NUS1: variants seen among roughly 807,000 people sequenced by gnomAD.
NUS1 encodes dehydrodolichyl diphosphate synthase complex subunit NUS1.
For missense variants in NUS1, 292 were observed against 382.9 expected, an observed-to-expected ratio of 0.76 and a Z score of 1.98; for synonymous variants, 135 against 155.2, an observed-to-expected ratio of 0.87 and a Z score of 0.97.
At chr6:117,685,853 A>C (rs1773129204) in intron 1 of NUS1, among the ~76,000 whole-genome samples, 1 of 152,112 alleles carries the variant, frequency 6.6e-6, no homozygotes, top group Non-Finnish European at 1.5e-5. Flanking sequence ...CCTTTTTAAA[A>C]AGAGCTCTGG....
intron 3 of NUS1, among the ~76,000 whole-genome samples, chr6:117,697,040 ATTAG>A (rs1008079879): frequency 6.6e-6 from 1 of 152,134 alleles, no homozygotes; most frequent in African/African-American, 2.4e-5. Flanking sequence ...TACAGTTTTT[ATTAG>A]TTTTCATTTT....
chr6:117,689,032 A>C (rs1562177691), intron 1 of NUS1, among the ~76,000 whole-genome samples: 1 of 152,182 alleles, frequency 6.6e-6, no homozygotes. Flanking sequence ...AATAATCTTT[A>C]TTTAGGGTGA....
At chr6:117,691,212 T>G in intron 1 of NUS1, among the ~76,000 whole-genome samples, 1 of 152,014 alleles carries the variant, frequency 6.6e-6, no homozygotes, top group East Asian at 1.9e-4. Flanking sequence ...AATATGCACA[T>G]TTTTATGTAT....
chr6:117,702,009 C>T (rs978177070), intron 3 of NUS1, among the ~76,000 whole-genome samples: 3 of 152,124 alleles, frequency 2.0e-5, no homozygotes, highest in African/African-American at 7.2e-5. Context: ...TCTCAAGTTT[C>T]CTTGGCTTTT....
intron 3 of NUS1, among the ~76,000 whole-genome samples, chr6:117,697,306 T>A (rs1773333713): frequency 6.6e-6 from 1 of 151,922 alleles, no homozygotes; most frequent in Non-Finnish European, 1.5e-5. Context: ...CAGGAGTAAG[T>A]CCTTATCGAT....
rs796091971 is a variant in NUS1 at position 117,676,602 on chromosome 6, A to T, written c.415+517A>T. Among the ~76,000 whole-genome samples the T allele has an allele frequency of 4.6e-5, 7 of 151,972 alleles. No homozygotes were observed. In the South Asian group the frequency reaches 1.4e-3, roughly 31 times the overall value. On this transcript the variant is annotated intron_variant, in intron 1 of 4. Coordinates refer to ENST00000368494, the MANE Select transcript of NUS1 (RefSeq NM_138459.5). Reference sequence around the variant, plus strand: ...TCAAATAAGTAAATAAATAAATAAAAATAAATAAAAAATCTCTTATTCGTT... The same window carrying T: ...TCAAATAAGTAAATAAATAAATAAATATAAATAAAAAATCTCTTATTCGTT...
chr6:117,687,746 A>C (rs979172139), intron 1 of NUS1, among the ~76,000 whole-genome samples: 5 of 152,246 alleles, frequency 3.3e-5, no homozygotes, highest in African/African-American at 1.2e-4. Context: ...CAAGCATGGA[A>C]GCATAGGCTG....
At chr6:117,676,608 T>TA (rs1174339652) in intron 1 of NUS1, among the ~76,000 whole-genome samples, 5 of 152,036 alleles carry the variant, frequency 3.3e-5, no homozygotes, top group South Asian at 2.1e-4. Context: ...TAAAAATAAA[T>TA]AAAAAATCTC....
chr6:117,706,785 C>A, intron 4 of NUS1, 140 bp from the exon 5 acceptor site: 1 of 639,022 alleles, frequency 1.6e-6, no homozygotes, highest in East Asian at 2.8e-5. Context: ...AGACATTTTC[C>A]GTGCCTGTCA....
In NUS1 at chr6:117,708,999, A is replaced by G. The variant is rs1406485689; in HGVS notation, c.*1984A>G. On this transcript the variant is annotated 3_prime_UTR_variant, in exon 5 of 5. Coordinates refer to ENST00000368494, the MANE Select transcript of NUS1 (RefSeq NM_138459.5). The stretch of plus-strand genomic sequence containing the variant: ...ATTTTCTCCTTCCATTCATAAGTAT[A>G]TACTTGAAAGTACATCTGTAGCCTA... 1 of 152,166 alleles carries G rather than the reference A, an allele frequency of 6.6e-6. No individual in the cohort carries two copies. The allele number at this position is 152,166 out of a possible 1,614,324, so 9.4% of individuals were successfully genotyped here. A position where few individuals can be genotyped will look rare whatever the true frequency, so the allele number is the denominator to read the frequency against.
intron 1 of NUS1, among the ~76,000 whole-genome samples, chr6:117,681,743 CTT>C (rs754393206): frequency 1.8e-4 from 28 of 152,176 alleles, no homozygotes; most frequent in Non-Finnish European, 2.8e-4. Flanking sequence ...GTGTAGTTGA[CTT>C]TTTGTACAGT....
intron 2 of NUS1, among the ~76,000 whole-genome samples, chr6:117,693,528 A>G (rs1773272507): frequency 1.3e-5 from 2 of 152,200 alleles, no homozygotes; most frequent in Non-Finnish European, 2.9e-5. Context: ...GTCTATAGAT[A>G]AGAATTTTGC....
chr6:117,678,678 T>G (rs1365245371), intron 1 of NUS1, among the ~76,000 whole-genome samples: 2 of 16,568 alleles, frequency 1.2e-4, no homozygotes, highest in African/African-American at 2.5e-4. Context: ...TTTTCAGTGG[T>G]TTTTTTTTTT....
chr6:117,681,785 C>T (rs1263265101), intron 1 of NUS1, among the ~76,000 whole-genome samples: 1 of 152,166 alleles, frequency 6.6e-6, no homozygotes, highest in East Asian at 1.9e-4. Flanking sequence ...CCTGAAATGT[C>T]CTCTTCACCT....
intron 1 of NUS1, among the ~76,000 whole-genome samples, chr6:117,692,305 A>G (rs1018989602): frequency 3.3e-5 from 5 of 152,070 alleles, no homozygotes; most frequent in African/African-American, 9.7e-5. Flanking sequence ...TAAAAAGGCA[A>G]TGGCTACTAG....
chr6:117,691,993 A>G (rs1185328035), intron 1 of NUS1, among the ~76,000 whole-genome samples: 1 of 152,062 alleles, frequency 6.6e-6, no homozygotes, highest in Admixed American at 6.5e-5. Context: ...TTTTTAAACT[A>G]GTTCCACAGA....
intron 3 of NUS1, among the ~76,000 whole-genome samples, chr6:117,700,093 C>CT (rs959394619): frequency 6.6e-6 from 1 of 152,004 alleles, no homozygotes; most frequent in African/African-American, 2.4e-5. Context: ...GGACATTGAA[C>CT]TGGGCCAAAC....
chr6:117,676,736 ATGAGGATAT>A lies in NUS1; in HGVS notation c.415+654_415+662del, dbSNP rs1331131261. Among the ~76,000 whole-genome samples, 16 of 152,382 alleles carry A rather than the reference ATGAGGATAT, an allele frequency of 1.0e-4. No homozygotes were observed. In the South Asian group the frequency reaches 2.9e-3, roughly 28 times the overall value. On this transcript the variant is annotated intron_variant, in intron 1 of 4. Transcript: ENST00000368494. ...TCGTAATGGGGCCACAAAGATCGGA[ATGAGGATAT>A]TGGAATTTTAGCCATTCTGTGCTTT...
rs1442686287 is a variant in NUS1, at chr6:117,709,981, A to C, written c.*2966A>C. On this transcript the variant is annotated 3_prime_UTR_variant, in exon 5 of 5. Coordinates refer to ENST00000368494, the MANE Select transcript of NUS1 (RefSeq NM_138459.5). ...TACCAGGTTAAACATTTGGAATCTT[A>C]TAATGTTACTTGCTTTTTGATAGAT... The C allele has an allele frequency of 6.6e-6, 1 of 152,254 alleles. No homozygotes were observed. Among genetic ancestry groups the C allele is most frequent in the Non-Finnish European group, 1.5e-5 (1 of 67,986 alleles). The allele number at this position is 152,254 out of a possible 1,614,324, so 9.4% of individuals were successfully genotyped here.
Sources: allele counts gnomAD v4.1 joint callset (sites outside exome capture counted in the v4.1 genomes callset), GRCh38; gene constraint gnomAD v4.1.1; transcripts MANE v1.5; gene names NCBI Gene and HGNC (gene_info 2026-07-23, HGNC 2026-07-21).